Variants in ZNF385D observed in about 807,000 individuals in gnomAD.
The protein encoded by ZNF385D is zinc finger protein 385D.
In ZNF385D, 15 loss-of-function variants were observed where a neutral mutation model predicts 35.8. The ratio of observed to expected loss-of-function variants is 0.42; its 90% CI spans 0.28 to 0.64. ZNF385D has a LOEUF of 0.64. Ranked by LOEUF, ZNF385D falls within the 30% of genes least tolerant of loss-of-function variation. The pLI is 0.23. For synonymous variants in ZNF385D, 212 were observed against 186.8 expected (o/e 1.13, Z -1.10); for missense variants, 474 against 494.6 (o/e 0.96, Z 0.39).
At chr3:22,058,661 G>A (rs2125536891) in intron 3 of ZNF385D, among the ~76,000 whole-genome samples, 1 of 152,244 alleles carries the variant, frequency 6.6e-6, no homozygotes, top group Admixed American at 6.5e-5. Flanking sequence ...GAAAAAATGG[G>A]ACATTACCAT....
At chr3:21,640,785 A>G (rs190724118) in intron 2 of ZNF385D, among the ~76,000 whole-genome samples, 1 of 152,216 alleles carries the variant, frequency 6.6e-6, no homozygotes. Context: ...AATTTATTAT[A>G]ATTTTTCTAG....
intron 1 of ZNF385D, among the ~76,000 whole-genome samples, chr3:21,705,843 G>A (rs764038539): frequency 1.3e-5 from 2 of 152,104 alleles, no homozygotes; most frequent in South Asian, 2.1e-4. Context: ...TGTCTGGACT[G>A]TCCCTTGCTT....
At chr3:21,971,428 A>G (rs1703250295) in intron 3 of ZNF385D, among the ~76,000 whole-genome samples, 1 of 151,974 alleles carries the variant, frequency 6.6e-6, no homozygotes, top group South Asian at 2.1e-4. Flanking sequence ...CATGGGTTAT[A>G]AGATATTACC....
chr3:22,019,840 G>A (rs1057428161), intron 3 of ZNF385D, among the ~76,000 whole-genome samples: 5 of 151,256 alleles, frequency 3.3e-5, no homozygotes, highest in African/African-American at 1.2e-4. Context: ...GAGTGATAGA[G>A]CATTAAACCA....
chr3:21,423,893 C>CCAGAA, intron 7 of ZNF385D, 70 bp downstream of exon 7: 1 of 1,484,574 alleles, frequency 6.7e-7, no homozygotes, highest in South Asian at 1.2e-5. Flanking sequence ...TGGCAAAATG[C>CCAGAA]CAGAACAAAT....
At chr3:21,822,696 T>C (rs534426152) in intron 3 of ZNF385D, among the ~76,000 whole-genome samples, 45 of 152,200 alleles carry the variant, frequency 3.0e-4, no homozygotes, top group Admixed American at 8.5e-4. Context: ...ATAGTTACAG[T>C]ATACCAGTTT....
At chr3:22,081,330 C>T (rs956020409) in intron 3 of ZNF385D, among the ~76,000 whole-genome samples, 7 of 152,122 alleles carry the variant, frequency 4.6e-5, no homozygotes, top group Admixed American at 2.0e-4. Flanking sequence ...TTCTTATTCT[C>T]CATTTAGTAG....
At chr3:21,745,520 T>C (rs1042160092) in intron 1 of ZNF385D, among the ~76,000 whole-genome samples, 2 of 152,202 alleles carry the variant, frequency 1.3e-5, no homozygotes, top group Non-Finnish European at 2.9e-5. Context: ...TCCTAGCAAT[T>C]TGGTTCAAGC....
At chr3:21,821,787 C>T (rs917821369) in intron 3 of ZNF385D, among the ~76,000 whole-genome samples, 5 of 151,818 alleles carry the variant, frequency 3.3e-5, no homozygotes, top group East Asian at 1.9e-4. Context: ...ACAATGAGAA[C>T]CCATCTCTAC....
intron 2 of ZNF385D, among the ~76,000 whole-genome samples, chr3:22,332,272 A>G (rs1694974373): frequency 6.6e-6 from 1 of 152,166 alleles, no homozygotes; most frequent in African/African-American, 2.4e-5. Context: ...GAACTACGGT[A>G]GCAGGTTTAT....
intron 2 of ZNF385D, among the ~76,000 whole-genome samples, chr3:22,217,005 C>G (rs545085379): frequency 2.6e-4 from 39 of 152,210 alleles, no homozygotes; most frequent in Non-Finnish European, 4.0e-4. Flanking sequence ...AAAATAACAT[C>G]TATTGCATTA....
intron 3 of ZNF385D, among the ~76,000 whole-genome samples, chr3:22,156,203 G>A (rs1379818957): frequency 1.3e-5 from 2 of 151,698 alleles, no homozygotes; most frequent in East Asian, 1.9e-4. Context: ...ACCATATGAA[G>A]ACACAATCCT....
chr3:22,018,034 CTATT>C (rs1696993269), intron 3 of ZNF385D, among the ~76,000 whole-genome samples: 1 of 151,804 alleles, frequency 6.6e-6, no homozygotes, highest in Non-Finnish European at 1.5e-5. Flanking sequence ...TAGAACTCTA[CTATT>C]TTTTTCCCAA....
chr3:22,301,928 G>T (rs553158567), intron 2 of ZNF385D, among the ~76,000 whole-genome samples: 3 of 151,898 alleles, frequency 2.0e-5, no homozygotes, highest in African/African-American at 7.2e-5. Context: ...TTTCTATACC[G>T]ATGCATGTAT....
chr3:21,432,933 A>G (rs140182414), intron 5 of ZNF385D, among the ~76,000 whole-genome samples: 1 of 152,214 alleles, frequency 6.6e-6, no homozygotes, highest in African/African-American at 2.4e-5. Context: ...AACACAATTG[A>G]TCCCCAAATA....
chr3:22,185,333 G>A (rs1036782424), intron 2 of ZNF385D, among the ~76,000 whole-genome samples: 3 of 152,148 alleles, frequency 2.0e-5, no homozygotes, highest in East Asian at 1.9e-4. Flanking sequence ...AATGGTGCTC[G>A]TTAGTAAAAC....
chr3:22,285,934 T>C (rs2125388742), intron 2 of ZNF385D, among the ~76,000 whole-genome samples: 1 of 152,236 alleles, frequency 6.6e-6, no homozygotes, highest in Non-Finnish European at 1.5e-5. Context: ...AGTAGTTACA[T>C]ATAAATTCAG....
At chr3:21,723,373 C>G (rs1364520121) in intron 1 of ZNF385D, among the ~76,000 whole-genome samples, 1 of 152,116 alleles carries the variant, frequency 6.6e-6, no homozygotes, top group Non-Finnish European at 1.5e-5. Flanking sequence ...GGAGCGTGTT[C>G]TAACCCAATG....
At chr3:22,195,963 C>T (rs1466290823) in intron 2 of ZNF385D, among the ~76,000 whole-genome samples, 1 of 151,780 alleles carries the variant, frequency 6.6e-6, no homozygotes, top group Non-Finnish European at 1.5e-5. Flanking sequence ...ATAAGTGTGA[C>T]CTAAATGATG....
Sources: gnomAD v4.1 joint callset for allele counts (sites outside exome capture counted in the v4.1 genomes callset) on GRCh38, gnomAD v4.1.1 for gene constraint, MANE v1.5 for transcripts, NCBI Gene and HGNC (gene_info 2026-07-23, HGNC 2026-07-21) for gene names.